Variants in KCNMB4 observed in about 807,000 individuals in gnomAD.
KCNMB4 encodes the protein calcium-activated potassium channel subunit beta-4.
Under a neutral mutation model 20.7 loss-of-function variants are expected in KCNMB4, and 3 were observed. The observed-to-expected ratio is 0.14, with a 90% CI of 0.07 to 0.37. The LOEUF (loss-of-function observed/expected upper bound fraction) is 0.37. Ranked by LOEUF, KCNMB4 falls within the 10% of genes least tolerant of loss-of-function variation. The probability of loss-of-function intolerance (pLI) is 1.00; values close to 1 mark genes in which losing one functional copy is unlikely to be tolerated. For synonymous variants in KCNMB4, 110 were observed against 113.4 expected (o/e 0.97, Z 0.19); for missense variants, 168 against 265.9 (o/e 0.63, Z 2.56).
intron 1 of KCNMB4, among the ~76,000 whole-genome samples, chr12:70,379,734 A>G (rs1272639352): frequency 2.0e-5 from 3 of 152,192 alleles, no homozygotes; most frequent in African/African-American, 4.8e-5. Flanking sequence ...TTATGTTATG[A>G]AGATGGCTTC....
intron 1 of KCNMB4, among the ~76,000 whole-genome samples, chr12:70,385,160 A>G (rs1157748178): frequency 6.6e-6 from 1 of 152,226 alleles, no homozygotes; most frequent in African/African-American, 2.4e-5. Context: ...ACTTTGTCAC[A>G]AACTTCAGAA....
chr12:70,417,157 A>T (rs142987455), intron 2 of KCNMB4, among the ~76,000 whole-genome samples: 57 of 152,352 alleles, frequency 3.7e-4, no homozygotes, highest in Admixed American at 2.2e-3. Flanking sequence ...AATTGGACTT[A>T]ACCTAATCAG....
intron 2 of KCNMB4, among the ~76,000 whole-genome samples, chr12:70,418,875 G>T (rs1244539419): frequency 6.6e-6 from 1 of 152,156 alleles, no homozygotes; most frequent in Non-Finnish European, 1.5e-5. Flanking sequence ...GTTCATCGGT[G>T]ATTTTTGCTC....
chr12:70,397,152 G>A (rs1868361123), intron 1 of KCNMB4, among the ~76,000 whole-genome samples: 1 of 152,076 alleles, frequency 6.6e-6, no homozygotes, highest in African/African-American at 2.4e-5. Context: ...CCAGGAGTTC[G>A]AGACCAGCCT....
intron 1 of KCNMB4, among the ~76,000 whole-genome samples, chr12:70,390,615 T>C (rs746815793): frequency 6.6e-6 from 1 of 152,244 alleles, no homozygotes; most frequent in African/African-American, 2.4e-5. Context: ...TCCTGCTCTG[T>C]AGCCTTGAGC....
At chr12:70,400,550 T>G (rs1868423329) in intron 2 of KCNMB4, among the ~76,000 whole-genome samples, 1 of 152,208 alleles carries the variant, frequency 6.6e-6, no homozygotes, top group Non-Finnish European at 1.5e-5. Flanking sequence ...AAAATGATAG[T>G]GACTTTAGGT....
chr12:70,374,983 A>C (rs1476073477), intron 1 of KCNMB4, among the ~76,000 whole-genome samples: 5 of 152,148 alleles, frequency 3.3e-5, no homozygotes, highest in Non-Finnish European at 5.9e-5. Flanking sequence ...AATAGACCTA[A>C]AGAAGGGAAA....
intron 2 of KCNMB4, among the ~76,000 whole-genome samples, chr12:70,419,530 A>T (rs1004635013): frequency 3.3e-5 from 5 of 152,194 alleles, no homozygotes; most frequent in African/African-American, 1.2e-4. Context: ...TCTTTGCAGA[A>T]ATTCTACTTC....
rs1869418303 is a variant in KCNMB4, at chr12:70,433,390, C to T, written c.*2737C>T. On this transcript the variant is annotated 3_prime_UTR_variant, in exon 3 of 3. Coordinates refer to ENST00000258111, the MANE Select transcript of KCNMB4 (RefSeq NM_014505.6). ...CTACCTTGTTAGTTCTCTTAATACC[C>T]AAGGGTATTGTTCTTTCCATGGTCA... 6.6e-6 allele frequency: 1 copy of T among 152,104 alleles called. No individual in the cohort carries two copies. The highest frequency in any genetic ancestry group is 1.5e-5 in the Non-Finnish European group (1 of 68,020). 9.4% of individuals were successfully genotyped at this position (152,104 alleles called of 1,614,324 possible).
intron 1 of KCNMB4, among the ~76,000 whole-genome samples, chr12:70,391,202 A>G (rs558440107): frequency 2.4e-4 from 36 of 152,304 alleles, no homozygotes; most frequent in African/African-American, 7.7e-4. Flanking sequence ...AAGGTTATCT[A>G]TTTATTTTAA....
At chr12:70,427,440 C>T (rs1414459294) in intron 2 of KCNMB4, among the ~76,000 whole-genome samples, 1 of 152,046 alleles carries the variant, frequency 6.6e-6, no homozygotes, top group Non-Finnish European at 1.5e-5. Context: ...TTATGGAGCA[C>T]CTTAGAGCTG....
chr12:70,399,222 T>C (rs2136129000), intron 1 of KCNMB4, among the ~76,000 whole-genome samples: 1 of 152,344 alleles, frequency 6.6e-6, no homozygotes, highest in Admixed American at 6.5e-5. Flanking sequence ...TTAAACAATG[T>C]GACTGAAATT....
intron 1 of KCNMB4, among the ~76,000 whole-genome samples, chr12:70,377,429 T>C (rs1384768450): frequency 6.6e-6 from 1 of 152,210 alleles, no homozygotes; most frequent in East Asian, 1.9e-4. Context: ...CATACCTTAA[T>C]TTAAAAATAT....
intron 1 of KCNMB4, among the ~76,000 whole-genome samples, chr12:70,381,567 T>C (rs1477189727): frequency 3.3e-5 from 5 of 152,180 alleles, no homozygotes; most frequent in African/African-American, 1.2e-4. Flanking sequence ...GAAGTGTTAA[T>C]ACAATATGGA....
chr12:70,407,276 C>G (rs1435169194), intron 2 of KCNMB4, among the ~76,000 whole-genome samples: 1 of 152,028 alleles, frequency 6.6e-6, no homozygotes, highest in Non-Finnish European at 1.5e-5. Context: ...GGGGCCCTCT[C>G]CAGGCACACC....
At chr12:70,380,665 C>A (rs1053835439) in intron 1 of KCNMB4, among the ~76,000 whole-genome samples, 14 of 150,074 alleles carry the variant, frequency 9.3e-5, no homozygotes, top group Admixed American at 2.0e-4. Context: ...AAAAAAAAAA[C>A]CTATACATCA....
intron 1 of KCNMB4, among the ~76,000 whole-genome samples, chr12:70,377,784 A>T (rs898032173): frequency 2.0e-5 from 3 of 152,180 alleles, no homozygotes; most frequent in African/African-American, 2.4e-5. Context: ...TGTCATTTCA[A>T]CAGTGTTCAC....
chr12:70,410,117 C>A (rs1030660400), intron 2 of KCNMB4, among the ~76,000 whole-genome samples: 1 of 152,182 alleles, frequency 6.6e-6, no homozygotes, highest in Admixed American at 6.5e-5. Flanking sequence ...GCACAGTAGT[C>A]CTAGAATGAA....
intron 2 of KCNMB4, among the ~76,000 whole-genome samples, chr12:70,422,074 C>G (rs981825336): frequency 1.3e-5 from 2 of 151,978 alleles, no homozygotes; most frequent in Non-Finnish European, 2.9e-5. Flanking sequence ...CTCTCCCATA[C>G]GAATTTAAAC....
Sources: allele counts gnomAD v4.1 joint callset (sites outside exome capture counted in the v4.1 genomes callset), GRCh38; gene constraint gnomAD v4.1.1; transcripts MANE v1.5; gene names NCBI Gene and HGNC (gene_info 2026-07-23, HGNC 2026-07-21).